The following ZNF536 variants were observed in gnomAD, a reference collection of about 807,000 sequenced individuals.
ZNF536 encodes zinc finger protein 536.
In ZNF536, 13 loss-of-function variants were observed where a neutral mutation model predicts 84.5. The ratio of observed to expected loss-of-function variants is 0.15; its 90% CI spans 0.10 to 0.24. ZNF536 has a LOEUF of 0.24. ZNF536 is among the 10% of genes least tolerant of loss of function. The pLI, the probability that ZNF536 is intolerant of heterozygous loss-of-function variation, is 1.00. For synonymous variants in ZNF536, 811 were observed against 742.5 expected (o/e 1.09, Z -1.50); for missense variants, 1,536 against 1,747.5 (o/e 0.88, Z 2.16).
intron 1 of ZNF536, among the ~76,000 whole-genome samples, chr19:30,261,086 CA>C (rs1311860534): frequency 9.2e-5 from 14 of 151,924 alleles, no homozygotes; most frequent in Admixed American, 9.2e-4. Context: ...ATCACGAGGT[CA>C]GGAGATCGAG....
chr19:30,458,447 GTTTTTTTTTTTT>G (rs3084731), intron 2 of ZNF536, among the ~76,000 whole-genome samples: 2 of 83,490 alleles, frequency 2.4e-5, no homozygotes, highest in East Asian at 3.3e-4. Flanking sequence ...ATTTCCTGCT[GTTTTTTTTTTTT>G]TTTTTTTTTT....
intron 1 of ZNF536, among the ~76,000 whole-genome samples, chr19:30,592,638 A>T (rs1451011899): frequency 6.6e-6 from 1 of 152,086 alleles, no homozygotes; most frequent in Non-Finnish European, 1.5e-5. Flanking sequence ...TGTGAATCCT[A>T]ACTGGCTGTG....
chr19:30,355,217 A>G (rs1362098058), intron 3 of ZNF536, among the ~76,000 whole-genome samples: 1 of 151,952 alleles, frequency 6.6e-6, no homozygotes, highest in African/African-American at 2.4e-5. Flanking sequence ...TGGAAGGTGA[A>G]GGAGAAGCAG....
intron 2 of ZNF536, among the ~76,000 whole-genome samples, chr19:30,287,658 ATGGATGGG>A (rs1568306157): frequency 1.3e-5 from 1 of 76,754 alleles, no homozygotes; most frequent in Admixed American, 1.4e-4. Flanking sequence ...GGGTGGGTGG[ATGGATGGG>A]TGGGTGGATG....
At chr19:30,478,949 T>G (rs1206118720) in intron 2 of ZNF536, among the ~76,000 whole-genome samples, 1 of 152,180 alleles carries the variant, frequency 6.6e-6, no homozygotes, top group Non-Finnish European at 1.5e-5. Flanking sequence ...TTTTTGCCTG[T>G]CTGGGGACCA....
intron 1 of ZNF536, among the ~76,000 whole-genome samples, chr19:30,638,250 T>C (rs1483135509): frequency 1.3e-5 from 2 of 152,224 alleles, no homozygotes; most frequent in African/African-American, 4.8e-5. Flanking sequence ...CGTAAGGACT[T>C]TTAAGGTCTT....
rs1297936705 is a variant in ZNF536, at chr19:30,384,218, C to CCCTCCCTTCCTTCTTT, written c.-3+11669_-3+11670insTCCTTCTTTCCTCCCT. Among the ~76,000 whole-genome samples the CCCTCCCTTCCTTCTTT allele has an allele frequency of 1.7e-3, 76 of 45,830 alleles. 4 individuals carry two copies. Among genetic ancestry groups the CCCTCCCTTCCTTCTTT allele is most frequent in the African/African-American group, 0.01 (74 of 7,202 alleles). The allele number at this position is 45,830 out of a possible 152,430, so 30.1% of individuals were successfully genotyped here. A position where few individuals can be genotyped will look rare whatever the true frequency, so the allele number is the denominator to read the frequency against. ...TTCCTTCCTTCCATCCTCCCTCCCT[C>CCCTCCCTTCCTTCTTT]CCTCCCTCCCTCCCTTCCTTCTTTC... On this transcript the variant is annotated intron_variant, in intron 1 of 4. Coordinates refer to ENST00000355537, the MANE Select transcript of ZNF536 (RefSeq NM_014717.3).
At chr19:30,301,519 C>T (rs568792859) in intron 2 of ZNF536, among the ~76,000 whole-genome samples, 2 of 152,194 alleles carry the variant, frequency 1.3e-5, no homozygotes, top group Non-Finnish European at 2.9e-5. Flanking sequence ...CAGTTTGTGC[C>T]TAGGAAGAAA....
At chr19:30,337,345 G>A (rs995980779) in intron 2 of ZNF536, among the ~76,000 whole-genome samples, 3 of 152,162 alleles carry the variant, frequency 2.0e-5, no homozygotes, top group African/African-American at 2.4e-5. Context: ...TCCCACCACC[G>A]TCTGTGTCCG....
chr19:30,453,234 C>A (rs1369380147), intron 2 of ZNF536, among the ~76,000 whole-genome samples: 1 of 152,144 alleles, frequency 6.6e-6, no homozygotes, highest in African/African-American at 2.4e-5. Context: ...GGACTTGTTT[C>A]TTGGGCAGAA....
intron 1 of ZNF536, among the ~76,000 whole-genome samples, chr19:30,700,201 C>CTTCCTTCCTTCTTTCT (rs1400524271): frequency 2.4e-5 from 2 of 82,710 alleles, no homozygotes; most frequent in African/African-American, 8.3e-5. Context: ...TCTTTCTTTC[C>CTTCCTTCCTTCTTTCT]TTCTTTCTTT....
At chr19:30,317,632 C>T (rs1056215139) in intron 2 of ZNF536, among the ~76,000 whole-genome samples, 6 of 152,200 alleles carry the variant, frequency 3.9e-5, no homozygotes, top group African/African-American at 9.7e-5. Context: ...AGACCATTTG[C>T]GCCTGGCTGC....
chr19:30,669,559 C>G (rs961690887), intron 1 of ZNF536, among the ~76,000 whole-genome samples: 2 of 152,178 alleles, frequency 1.3e-5, no homozygotes, highest in East Asian at 1.9e-4. Flanking sequence ...TCCTCAGCCC[C>G]GGAGAATCCC....
chr19:30,610,562 CAG>C (rs931957269), intron 1 of ZNF536, among the ~76,000 whole-genome samples: 8 of 152,230 alleles, frequency 5.3e-5, no homozygotes, highest in Non-Finnish European at 1.2e-4. Flanking sequence ...GAATCAGAAA[CAG>C]AGTGGAAGCT....
chr19:30,513,084 C>G (rs1024255452), intron 2 of ZNF536, among the ~76,000 whole-genome samples: 1 of 151,914 alleles, frequency 6.6e-6, no homozygotes. Context: ...ACTTAGGTCA[C>G]CAGTTCACAA....
At chr19:30,378,716 C>G (rs2048907575) in intron 1 of ZNF536, among the ~76,000 whole-genome samples, 2 of 152,180 alleles carry the variant, frequency 1.3e-5, no homozygotes, top group South Asian at 4.1e-4. Flanking sequence ...CCCTTTTGCT[C>G]TAAAGGAGTG....
chr19:30,675,747 A>G (rs146275285), intron 1 of ZNF536, among the ~76,000 whole-genome samples: 75 of 152,266 alleles, frequency 4.9e-4, no homozygotes, highest in African/African-American at 1.8e-3. Context: ...CAGTCTAGCT[A>G]TTCTTTCTTC....
chr19:30,624,657 G>A (rs1400492713), intron 1 of ZNF536, among the ~76,000 whole-genome samples: 3 of 152,164 alleles, frequency 2.0e-5, no homozygotes, highest in Non-Finnish European at 2.9e-5. Context: ...AGAAGCTTGG[G>A]TTTGTTAGGG....
At chr19:30,499,184 C>G (rs2145266321) in intron 2 of ZNF536, among the ~76,000 whole-genome samples, 1 of 152,220 alleles carries the variant, frequency 6.6e-6, no homozygotes, top group Admixed American at 6.5e-5. Flanking sequence ...AATATAATCA[C>G]AATCAATAGA....
Sources: gnomAD v4.1 joint callset for allele counts (sites outside exome capture counted in the v4.1 genomes callset) on GRCh38, gnomAD v4.1.1 for gene constraint, MANE v1.5 for transcripts, NCBI Gene and HGNC (gene_info 2026-07-23, HGNC 2026-07-21) for gene names.